Variants in PCDHA7 observed in about 807,000 individuals in gnomAD.
The protein encoded by PCDHA7 is protocadherin alpha-7.
PCDHA7 carries 37 observed loss-of-function variants against 57.2 expected under a neutral mutation model. The observed-to-expected ratio is 0.65, with a 90% confidence interval of 0.50 to 0.85. The LOEUF is 0.85. Ranked by LOEUF, PCDHA7 falls within the 40% of genes least tolerant of loss-of-function variation. The probability of loss-of-function intolerance (pLI) is 0.00; values close to 1 mark genes in which losing one functional copy is unlikely to be tolerated. For missense variants in PCDHA7, 1,188 were observed against 1,241.8 expected (o/e 0.96, Z 0.65); for synonymous variants, 553 against 558.8 (o/e 0.99, Z 0.15).
chr5:140,938,875 C>T (rs2092238013), intron 1 of PCDHA7, among the ~76,000 whole-genome samples: 1 of 151,912 alleles, frequency 6.6e-6, no homozygotes. Flanking sequence ...AGTTAAGAAG[C>T]AACACACACA....
chr5:140,932,991 C>T (rs2088784414), intron 1 of PCDHA7, among the ~76,000 whole-genome samples: 1 of 151,940 alleles, frequency 6.6e-6, no homozygotes, highest in African/African-American at 2.4e-5. Context: ...AAATGCATGT[C>T]ATATGAATAT....
Position 140,980,736 on chromosome 5 carries a change from A to G in PCDHA7, c.2414+1729A>G, listed in dbSNP as rs1014210313. 6.6e-5 allele frequency among the ~76,000 whole-genome samples: 10 copies of G among 152,312 alleles called. No individual in the cohort carries two copies. The East Asian group carries it at 1.9e-3, about 29-fold the overall frequency. ...TTCGGGTTTCAATTAAGATATTATG[A>G]GATTTGAGTAGGGTAAGAAATAAAA... On this transcript the variant is annotated intron_variant, in intron 2 of 3. Transcript: ENST00000525929.
Position 140,835,881 on chromosome 5 carries a change from G to C in PCDHA7, c.1498G>C (p.Gly500Arg), listed in dbSNP as rs2150247324. 1.2e-6 allele frequency: 2 copies of C among 1,612,004 alleles called. No individual in the cohort carries two copies. Among genetic ancestry groups the C allele is most frequent in the South Asian group, 2.2e-5 (2 of 91,004 alleles). The change falls in exon 1 of 4, where the codon GGC becomes CGC. Residue 500 changes from glycine to arginine, a missense_variant. By Grantham distance (125) the Gly-to-Arg change is moderately radical. Transcript: ENST00000525929. ...VSYSLVELRV[G>R]ERALSSYVSV... ...CTACTCGCTGGTGGAGCTGCGGGTG[G>C]GCGAGCGCGCGCTGTCGAGCTACGT...
intron 1 of PCDHA7, among the ~76,000 whole-genome samples, chr5:140,936,121 G>C (rs1381895785): frequency 6.6e-6 from 1 of 152,068 alleles, no homozygotes; most frequent in Non-Finnish European, 1.5e-5. Flanking sequence ...TCGAACTCCT[G>C]ACCTTAAGTG....
chr5:140,935,894 C>CTTTT (rs55841305), intron 1 of PCDHA7, among the ~76,000 whole-genome samples: 9 of 136,750 alleles, frequency 6.6e-5, no homozygotes, highest in South Asian at 2.3e-4. Flanking sequence ...TCAATATTAT[C>CTTTT]TTTTTTTTTT....
At chr5:140,899,974 C>A (rs2067653485) in intron 1 of PCDHA7, among the ~76,000 whole-genome samples, 1 of 151,766 alleles carries the variant, frequency 6.6e-6, no homozygotes, top group Non-Finnish European at 1.5e-5. Context: ...TGCCCAGCTA[C>A]TTTTTTGATT....
intron 1 of PCDHA7, chr5:140,863,338 C>G: frequency 2.2e-6 from 3 of 1,361,684 alleles, no homozygotes; most frequent in Non-Finnish European, 3.0e-6. Flanking sequence ...GCTCACGTTG[C>G]TGCTGTACAC....
intron 1 of PCDHA7, chr5:140,866,690 A>G (rs1371582983): frequency 1.3e-5 from 2 of 152,178 alleles, no homozygotes; most frequent in Non-Finnish European, 2.9e-5. Flanking sequence ...CTGTTAGAAT[A>G]TCAGTGGATG....
At chr5:141,002,085 A>G (rs959603404) in intron 3 of PCDHA7, among the ~76,000 whole-genome samples, 1 of 152,244 alleles carries the variant, frequency 6.6e-6, no homozygotes, top group African/African-American at 2.4e-5. Context: ...AAGAACGAGC[A>G]GTCCAGGGGC....
At chr5:140,873,260 G>A (rs1252265709) in intron 1 of PCDHA7, among the ~76,000 whole-genome samples, 2 of 152,146 alleles carry the variant, frequency 1.3e-5, no homozygotes, top group Non-Finnish European at 2.9e-5. Context: ...AGACTCAAAA[G>A]TGATTAAACC....
At chr5:140,860,205 A>G (rs1007227708) in intron 1 of PCDHA7, 2 of 149,744 alleles carry the variant, frequency 1.3e-5, no homozygotes, top group East Asian at 3.9e-4. Flanking sequence ...ATATATCTAT[A>G]TATGTACTTA....
chr5:140,937,071 T>G (rs2091308048), intron 1 of PCDHA7, among the ~76,000 whole-genome samples: 1 of 147,932 alleles, frequency 6.8e-6, no homozygotes, highest in African/African-American at 2.5e-5. Context: ...GGAGTCTCGC[T>G]CTGTCGCCCA....
At chr5:141,000,939 A>G (rs551872377) in intron 3 of PCDHA7, among the ~76,000 whole-genome samples, 2 of 152,294 alleles carry the variant, frequency 1.3e-5, no homozygotes, top group East Asian at 3.9e-4. Context: ...ATTTAGGACA[A>G]ATTATCTTGC....
At chr5:140,860,376 A>G (rs1301503949) in intron 1 of PCDHA7, 1 of 152,078 alleles carries the variant, frequency 6.6e-6, no homozygotes, top group Non-Finnish European at 1.5e-5. Context: ...GTGAGACCCT[A>G]TTTCAAAAAT....
At chr5:140,978,862 T>C (rs750080921) in intron 1 of PCDHA7, 87 bp from the exon 2 acceptor site, 138 of 1,599,976 alleles carry the variant, frequency 8.6e-5, no homozygotes, top group Non-Finnish European at 1.1e-4. Flanking sequence ...CTGGAAATAT[T>C]TAAGGGAGTA....
Position 140,853,221 on chromosome 5 carries a change from G to A in PCDHA7, c.2355+16483G>A, listed in dbSNP as rs1021063668. 12 of 983,626 alleles carry A rather than the reference G, an allele frequency of 1.2e-5. 1 individual carries two copies. The highest frequency in any genetic ancestry group is 1.5e-5 in the Non-Finnish European group (12 of 816,248). The allele number at this position is 983,626 out of a possible 1,614,324, so 60.9% of individuals were successfully genotyped here. A position where few individuals can be genotyped will look rare whatever the true frequency, so the allele number is the denominator to read the frequency against. On this transcript the variant is annotated intron_variant, in intron 1 of 3. Transcript: ENST00000525929. ...TATTGACGGCTGTATTGATGGGATT[G>A]GTAATTTAGTCCTTCATATTAATCT...
chr5:140,942,108 A>C (rs2093230471), intron 1 of PCDHA7, among the ~76,000 whole-genome samples: 1 of 152,238 alleles, frequency 6.6e-6, no homozygotes. Context: ...TCATATAATC[A>C]AACTTTATTA....
rs112338455 is a variant in PCDHA7 at position 140,903,390 on chromosome 5, A to G, written c.2355+66652A>G. ...TATAGGGAGGATTGTGGTTACTTCT[A>G]GAAACAGTAGTGCAGTCAGGAAAAA... On this transcript the variant is annotated intron_variant, in intron 1 of 3. Coordinates refer to ENST00000525929, the MANE Select transcript of PCDHA7 (RefSeq NM_018910.3). Among the ~76,000 whole-genome samples the G allele has an allele frequency of 4.3e-3, 662 of 152,354 alleles. 6 individuals are homozygous for G. Among genetic ancestry groups the G allele is most frequent in the African/African-American group, 0.015 (618 of 41,596 alleles).
chr5:140,966,543 A>G lies in PCDHA7; in HGVS notation c.2356-12406A>G, dbSNP rs200134570. 641 of 461,190 alleles carry G rather than the reference A, an allele frequency of 1.4e-3. 4 individuals carry two copies. The highest frequency in any genetic ancestry group is 0.011 in the African/African-American group (555 of 49,108). The allele number at this position is 461,190 out of a possible 1,614,324, so 28.6% of individuals were successfully genotyped here. ...AGCCGAGCCGGGTTGAGCGACTCGGAGGCGAGCGGAGGAGCTGGAATATGG... is the reference window on the plus strand; with the variant it reads ...AGCCGAGCCGGGTTGAGCGACTCGGGGGCGAGCGGAGGAGCTGGAATATGG... On this transcript the variant is annotated intron_variant, in intron 1 of 3. Coordinates refer to ENST00000525929, the MANE Select transcript of PCDHA7 (RefSeq NM_018910.3).
Sources: gnomAD v4.1 joint callset for allele counts (sites outside exome capture counted in the v4.1 genomes callset) on GRCh38, gnomAD v4.1.1 for gene constraint, MANE v1.5 for transcripts, NCBI Gene and HGNC (gene_info 2026-07-23, HGNC 2026-07-21) for gene names.